The following ATRNL1 variants were observed in gnomAD, a reference collection of about 807,000 sequenced individuals.
The protein encoded by ATRNL1 is attractin like 1, also known as attractin-like protein 1.
In ATRNL1, 95 loss-of-function variants were observed where a neutral mutation model predicts 182.7. That is an observed-to-expected ratio of 0.52 (90% CI 0.44 to 0.62). The LOEUF (loss-of-function observed/expected upper bound fraction) is 0.62, where lower values mean the gene tolerates loss of function less well. Among genes scored for constraint, ATRNL1 ranks in the 20% least tolerant of loss-of-function variants. The pLI is 0.00. For missense variants in ATRNL1, 1,471 were observed against 1,679.5 expected (o/e 0.88, Z 2.17); for synonymous variants, 576 against 568.3 (o/e 1.01, Z -0.19).
chr10:115,105,134 G>T (rs1273861621), intron 1 of ATRNL1, among the ~76,000 whole-genome samples: 1 of 152,050 alleles, frequency 6.6e-6, no homozygotes, highest in Non-Finnish European at 1.5e-5. Context: ...TCTGTAGATT[G>T]GTTTGGATAG....
intron 18 of ATRNL1, among the ~76,000 whole-genome samples, chr10:115,332,990 T>C (rs1855302653): frequency 6.6e-6 from 1 of 152,196 alleles, no homozygotes; most frequent in Non-Finnish European, 1.5e-5. Context: ...AAAATTCATA[T>C]GTACAATTTG....
At chr10:115,338,249 A>G (rs1855584962) in intron 19 of ATRNL1, among the ~76,000 whole-genome samples, 1 of 152,096 alleles carries the variant, frequency 6.6e-6, no homozygotes, top group African/African-American at 2.4e-5. Context: ...TAAGGTTTAT[A>G]CCCAGCCATG....
At chr10:115,363,598 C>T (rs1260736077) in intron 19 of ATRNL1, among the ~76,000 whole-genome samples, 3 of 149,748 alleles carry the variant, frequency 2.0e-5, no homozygotes, top group Non-Finnish European at 4.5e-5. Flanking sequence ...TTGCCCATGC[C>T]TATGTCCTGA....
At chr10:115,842,068 T>G (rs1488678915) in intron 27 of ATRNL1, among the ~76,000 whole-genome samples, 2 of 152,076 alleles carry the variant, frequency 1.3e-5, no homozygotes, top group African/African-American at 2.4e-5. Context: ...TAGAAGTATT[T>G]TAGTAGGGAA....
chr10:115,345,336 CG>C (rs1564935916), intron 19 of ATRNL1, among the ~76,000 whole-genome samples: 2 of 152,154 alleles, frequency 1.3e-5, no homozygotes, highest in African/African-American at 4.8e-5. Context: ...CTTCTGTAGG[CG>C]GGTGTCCCCT....
At chr10:115,214,041 T>TACACACACACACACACACAC (rs149167399) in intron 8 of ATRNL1, among the ~76,000 whole-genome samples, 5 of 147,090 alleles carry the variant, frequency 3.4e-5, no homozygotes, top group Admixed American at 6.8e-5. Context: ...TACAAATATG[T>TACACACACACACACACACAC]ACACACACAC....
chr10:115,120,186 T>G lies in ATRNL1; in HGVS notation c.295T>G (p.Leu99Val). ...TCATTATTTTATTTTCTCTTCCAGG[T>G]TAACAGAACCTTCTGGATATTTAAC... is the stretch of plus-strand genomic sequence containing the variant. ...QCQHCQGRFK[L>V]TEPSGYLTDG... Residue 99 changes from leucine (L) to valine (V), a missense_variant and splice_region_variant, in exon 2 of 29, where the codon TTA becomes GTA. Leu to Val is a conservative substitution (Grantham distance 32). This residue lies in a region of ATRNL1 where 1,031 missense variants were observed against 1,156.0 expected (regional missense o/e 0.89). Transcript: ENST00000355044. 6.6e-7 allele frequency: 1 copy of G among 1,504,452 alleles called. No individual in the cohort carries two copies. Among genetic ancestry groups the G allele is most frequent in the Non-Finnish European group, 9.2e-7 (1 of 1,087,114 alleles). 93.2% of individuals were successfully genotyped at this position (1,504,452 alleles called of 1,614,324 possible).
rs34446671 is a variant in ATRNL1 at position 115,336,978 on chromosome 10, T to TGG, written c.3175+2569_3175+2570dup. Among the ~76,000 whole-genome samples the TGG allele has an allele frequency of 2.8e-3, 406 of 143,436 alleles. 1 individual carries two copies. Among genetic ancestry groups the TGG allele is most frequent in the East Asian group, 4.3e-3 (21 of 4,908 alleles). 94.1% of individuals were successfully genotyped at this position (143,436 alleles called of 152,430 possible). A position where few individuals can be genotyped will look rare whatever the true frequency, so the allele number is the denominator to read the frequency against. On this transcript the variant is annotated intron_variant, in intron 19 of 28. Transcript: ENST00000355044. ...CTCCTGCCTCAGCCTCCCAAGTAGC[T>TGG]GGGGGGGGGGGACTACAGGGGCCCG...
At chr10:115,549,735 G>A (rs557052091) in intron 26 of ATRNL1, among the ~76,000 whole-genome samples, 199 bp downstream of exon 26, 120 of 151,962 alleles carry the variant, frequency 7.9e-4, no homozygotes, top group Non-Finnish European at 1.4e-3. Context: ...ATTTGTAAAA[G>A]CATTGGTTTG....
intron 19 of ATRNL1, among the ~76,000 whole-genome samples, chr10:115,386,430 T>C (rs1480723851): frequency 6.6e-6 from 1 of 152,174 alleles, no homozygotes. Context: ...ACAGATATTC[T>C]GCTTTGCCAA....
intron 26 of ATRNL1, among the ~76,000 whole-genome samples, chr10:115,701,366 A>G (rs1425000848): frequency 6.6e-6 from 1 of 152,066 alleles, no homozygotes; most frequent in Admixed American, 6.6e-5. Flanking sequence ...AAAGATGTCA[A>G]TTTAATTATC....
intron 24 of ATRNL1, among the ~76,000 whole-genome samples, chr10:115,500,348 A>C (rs1216038005): frequency 1.3e-5 from 2 of 152,206 alleles, no homozygotes; most frequent in East Asian, 3.9e-4. Context: ...GTAGTCAAGA[A>C]AAATTAGAAT....
chr10:115,734,239 A>G (rs1947884378), intron 27 of ATRNL1, among the ~76,000 whole-genome samples: 1 of 152,130 alleles, frequency 6.6e-6, no homozygotes. Flanking sequence ...ATCTTGAGGT[A>G]TATTGCTTAT....
At chr10:115,924,040 G>A (rs1378901024) in intron 28 of ATRNL1, among the ~76,000 whole-genome samples, 2 of 152,138 alleles carry the variant, frequency 1.3e-5, no homozygotes, top group African/African-American at 2.4e-5. Flanking sequence ...TGTTGGCTGT[G>A]CAAATGTCTT....
intron 25 of ATRNL1, among the ~76,000 whole-genome samples, chr10:115,525,084 C>T (rs1288089409): frequency 3.3e-5 from 5 of 152,144 alleles, no homozygotes; most frequent in African/African-American, 9.7e-5. Flanking sequence ...ATTAGTTAAT[C>T]GGTTTTGGAT....
intron 19 of ATRNL1, among the ~76,000 whole-genome samples, chr10:115,360,875 A>G (rs1856713740): frequency 6.6e-6 from 1 of 151,772 alleles, no homozygotes; most frequent in Non-Finnish European, 1.5e-5. Context: ...ATGTGCTACA[A>G]TTTGTGTTTG....
chr10:115,169,653 G>A (rs548918276), intron 7 of ATRNL1, among the ~76,000 whole-genome samples: 5 of 152,212 alleles, frequency 3.3e-5, no homozygotes, highest in African/African-American at 1.2e-4. Flanking sequence ...CTACAAAGAA[G>A]CCAGCTGAGA....
intron 17 of ATRNL1, among the ~76,000 whole-genome samples, chr10:115,312,708 A>G (rs1450526064): frequency 1.3e-5 from 2 of 152,038 alleles, no homozygotes; most frequent in Non-Finnish European, 2.9e-5. Flanking sequence ...AGTTTTTCAG[A>G]TGTTTTTCTC....
chr10:115,213,079 A>G (rs1347056030), intron 8 of ATRNL1, among the ~76,000 whole-genome samples: 1 of 152,132 alleles, frequency 6.6e-6, no homozygotes, highest in Non-Finnish European at 1.5e-5. Context: ...TAATTTTAAC[A>G]TCTGATCCAT....
Sources: allele counts gnomAD v4.1 joint callset (sites outside exome capture counted in the v4.1 genomes callset), GRCh38; gene constraint gnomAD v4.1.1; regional missense constraint gnomAD v4.1.1; transcripts MANE v1.5; gene names NCBI Gene and HGNC (gene_info 2026-07-23, HGNC 2026-07-21).